Variants in EPB41L1 observed in about 807,000 individuals in gnomAD.
EPB41L1 encodes erythrocyte membrane protein band 4.1 like 1.
In EPB41L1, 29 loss-of-function variants were observed where a neutral mutation model predicts 97.8. That is an observed-to-expected ratio of 0.30 (90% confidence interval 0.22 to 0.40). EPB41L1 has a LOEUF of 0.40. Among genes scored for constraint, EPB41L1 ranks in the 10% least tolerant of loss-of-function variants. EPB41L1 has a pLI of 1.00. For missense variants in EPB41L1, 812 were observed against 1,162.3 expected, an observed-to-expected ratio of 0.70 and a Z score of 4.38; for synonymous variants, 383 against 459.2, an observed-to-expected ratio of 0.83 and a Z score of 2.12.
chr20:36,164,800 C>G (rs1042022250), intron 1 of EPB41L1, among the ~76,000 whole-genome samples: 27 of 152,178 alleles, frequency 1.8e-4, no homozygotes, highest in African/African-American at 6.0e-4. Context: ...ATTCTCCTGT[C>G]TCAGGCTCCC....
chr20:36,198,544 G>A (rs2062331893), intron 14 of EPB41L1, among the ~76,000 whole-genome samples: 1 of 152,216 alleles, frequency 6.6e-6, no homozygotes, highest in African/African-American at 2.4e-5. Context: ...GGAGTCCACT[G>A]GAGGGGAATG....
rs1569220186 is a variant in EPB41L1 at position 36,178,547 on chromosome 20, C to T, written c.448-83C>T. Reference sequence around the variant, plus strand: ...TTCCCTACAAGGGGCTGCTGACCAGCCATTTCAGGATATTTCTCTCTCTCA... The same window carrying T: ...TTCCCTACAAGGGGCTGCTGACCAGTCATTTCAGGATATTTCTCTCTCTCA... On this transcript the variant is annotated intron_variant, in intron 4 of 21. Coordinates refer to ENST00000338074, the MANE Select transcript of EPB41L1 (RefSeq NM_012156.2). The T allele has an allele frequency of 9.9e-6, 14 of 1,408,450 alleles. No homozygotes were observed. The East Asian group carries it at 3.2e-4, about 32-fold the overall frequency. 87.2% of individuals were successfully genotyped at this position (1,408,450 alleles called of 1,614,324 possible). A position where few individuals can be genotyped will look rare whatever the true frequency, so the allele number is the denominator to read the frequency against.
At chr20:36,162,444 G>T (rs1426586407) in intron 1 of EPB41L1, among the ~76,000 whole-genome samples, 1 of 152,200 alleles carries the variant, frequency 6.6e-6, no homozygotes, top group African/African-American at 2.4e-5. Context: ...TTGAGTCCTA[G>T]TCCTGGCTCT....
At chr20:36,226,238 A>G (rs2064144084) in intron 21 of EPB41L1, among the ~76,000 whole-genome samples, 1 of 152,170 alleles carries the variant, frequency 6.6e-6, no homozygotes, top group Non-Finnish European at 1.5e-5. Flanking sequence ...ACTCCTGCAG[A>G]GTCTCAAGCC....
intron 14 of EPB41L1, 120 bp downstream of exon 14, chr20:36,198,161 G>T: frequency 1.1e-6 from 1 of 931,794 alleles, no homozygotes. Flanking sequence ...CTTAGGGGCT[G>T]GTGGGGATGG....
At chr20:36,178,280 G>A (rs765587831) in intron 4 of EPB41L1, among the ~76,000 whole-genome samples, 3 of 152,222 alleles carry the variant, frequency 2.0e-5, no homozygotes, top group African/African-American at 4.8e-5. Context: ...TGGTCTGGCT[G>A]CTAGAGTTGC....
At chr20:36,218,756 T>G in intron 17 of EPB41L1, 120 bp from the exon 18 acceptor site, 2 of 910,240 alleles carry the variant, frequency 2.2e-6, no homozygotes, top group South Asian at 2.8e-5. Flanking sequence ...CCTTCAGTCC[T>G]TTGCTTCTAT....
chr20:36,136,416 G>A (rs1416796906), intron 2 of EPB41L1, among the ~76,000 whole-genome samples: 1 of 146,658 alleles, frequency 6.8e-6, no homozygotes, highest in Non-Finnish European at 1.5e-5. Context: ...CTGGCCTCAA[G>A]TGATCCAACT....
At position 36,182,255 on chromosome 20, in the gene EPB41L1, C is replaced by G. The variant is rs1275930920; in HGVS notation, c.491-17C>G. On this transcript the variant is annotated splice_polypyrimidine_tract_variant and intron_variant, in intron 5 of 21. Coordinates refer to ENST00000338074, the MANE Select transcript of EPB41L1 (RefSeq NM_012156.2). ...GGGTGTTAGGGCCTCGCTGATCTCT[C>G]TCCCATCTCCTCTCAGGTAGCCCCT... 6.2e-7 allele frequency: 1 copy of G among 1,613,370 alleles called. No homozygotes were observed. The highest frequency in any genetic ancestry group is 8.5e-7 in the Non-Finnish European group (1 of 1,179,308).
At chr20:36,177,663 C>T (rs1259268129) in intron 3 of EPB41L1, among the ~76,000 whole-genome samples, 1 of 152,206 alleles carries the variant, frequency 6.6e-6, no homozygotes, top group African/African-American at 2.4e-5. Flanking sequence ...AGGAGAAAGC[C>T]GTCACTTCCT....
At position 36,190,503 on chromosome 20, in the gene EPB41L1, GAC is replaced by G; in HGVS notation, c.1125-118_1125-117del. 1 of 1,542,446 alleles carries G rather than the reference GAC, an allele frequency of 6.5e-7. No homozygotes were observed. Among genetic ancestry groups the G allele is most frequent in the Non-Finnish European group, 8.9e-7 (1 of 1,125,254 alleles). ...CTTTCCCCAAGTCCCTCCCTTCCTG[GAC>G]CACTTTGAATTGTTGTAGTTGGTGG... is the stretch of plus-strand genomic sequence containing the variant. On this transcript the variant is annotated intron_variant, in intron 10 of 21. Coordinates refer to ENST00000338074, the MANE Select transcript of EPB41L1 (RefSeq NM_012156.2). The surrounding 1 kb of genome is among the most constrained non-coding windows in gnomAD (Gnocchi z 5.8).
At chr20:36,188,866 A>C (rs1354833935) in intron 9 of EPB41L1, among the ~76,000 whole-genome samples, 3 of 150,120 alleles carry the variant, frequency 2.0e-5, no homozygotes, top group Non-Finnish European at 4.4e-5. Context: ...GCAACAGAGC[A>C]AGACTCTGTC....
rs536257954 is a variant in EPB41L1 at position 36,217,285 on chromosome 20, G to A, written c.2269-1591G>A. Among the ~76,000 whole-genome samples, 61 of 152,332 alleles carry A rather than the reference G, an allele frequency of 4.0e-4. 1 individual carries two copies. Among genetic ancestry groups the A allele is most frequent in the African/African-American group, 1.4e-3 (58 of 41,576 alleles). ...TAAATATCTGGGCTATAGGTGAAGG[G>A]ATAGGGGACTTTGACCTCCATGAGG... On this transcript the variant is annotated intron_variant, in intron 17 of 21. Transcript: ENST00000338074.
Position 36,093,715 on chromosome 20 carries a change from G to T in EPB41L1, c.-65+2103G>T, listed in dbSNP as rs1601173335. ...TGTGTGTGTGTGTGTATGTGTATGC[G>T]TGCGCGCGCGTGTGTGGATGTGGGT... On this transcript the variant is annotated intron_variant, in intron 1 of 19. Coordinates refer to the EPB41L1 transcript ENST00000202028. This position sits in a 1 kb window ranked among gnomAD's most constrained non-coding sequence, Gnocchi z 5.4. Among the ~76,000 whole-genome samples the T allele has an allele frequency of 6.6e-6, 1 of 152,040 alleles. No individual in the cohort carries two copies. Among genetic ancestry groups the T allele is most frequent in the Non-Finnish European group, 1.5e-5 (1 of 67,988 alleles).
intron 2 of EPB41L1, among the ~76,000 whole-genome samples, chr20:36,174,705 C>A (rs979840014): frequency 6.6e-6 from 1 of 152,060 alleles, no homozygotes; most frequent in Non-Finnish European, 1.5e-5. Flanking sequence ...TGTGAGCCAC[C>A]ATGCTTGGCC....
chr20:36,109,740 A>G (rs995419338), intron 1 of EPB41L1: 37 of 152,158 alleles, frequency 2.4e-4, no homozygotes, highest in African/African-American at 8.9e-4. Context: ...CAGATGAGGA[A>G]GCTGAGGCCT....
intron 21 of EPB41L1, among the ~76,000 whole-genome samples, chr20:36,224,868 C>T (rs2147152949): frequency 6.6e-6 from 1 of 152,216 alleles, no homozygotes; most frequent in Admixed American, 6.5e-5. Flanking sequence ...GTCACCCAGG[C>T]TGGAGTGCAG....
In EPB41L1 at chr20:36,229,619, C is replaced by A; in HGVS notation, c.*279C>A. 3 of 306,678 alleles carry A rather than the reference C, an allele frequency of 9.8e-6. No individual in the cohort carries two copies. The highest frequency in any genetic ancestry group is 1.2e-5 in the Non-Finnish European group (2 of 166,690). 19.0% of individuals were successfully genotyped at this position (306,678 alleles called of 1,614,324 possible). A position where few individuals can be genotyped will look rare whatever the true frequency, so the allele number is the denominator to read the frequency against. On this transcript the variant is annotated 3_prime_UTR_variant, in exon 22 of 22. Transcript: ENST00000338074. The stretch of plus-strand genomic sequence containing the variant: ...TGAACACCTACATTTCCTTTGCAGA[C>A]AAATTGAAGAACTGGTGGGATTTTT...
At position 36,190,383 on chromosome 20, in the gene EPB41L1, G is replaced by C. The variant is rs766792489; in HGVS notation, c.1124+9G>C. The C allele has an allele frequency of 2.5e-6, 4 of 1,613,596 alleles. No homozygotes were observed. In the South Asian group the frequency reaches 4.4e-5, roughly 18 times the overall value. On this transcript the variant is annotated intron_variant, in intron 10 of 21. Coordinates refer to ENST00000338074, the MANE Select transcript of EPB41L1 (RefSeq NM_012156.2). The surrounding 1 kb of genome is among the most constrained non-coding windows in gnomAD (Gnocchi z 5.8). ...CATCATACATTCTTCCGGTGAGCCT[G>C]ACCTTGGATGGGGTAATGGGGATGG...
Sources: gnomAD v4.1 joint callset for allele counts (sites outside exome capture counted in the v4.1 genomes callset) on GRCh38, gnomAD v4.1.1 for gene constraint, Gnocchi (gnomAD v3.1) non-coding constraint, MANE v1.5 for transcripts, NCBI Gene and HGNC (gene_info 2026-07-23, HGNC 2026-07-21) for gene names.